The following CAPZA1 variants were observed in gnomAD, a reference collection of about 807,000 sequenced individuals.
CAPZA1 encodes F-actin-capping protein subunit alpha-1.
Under a neutral mutation model 40.8 loss-of-function variants are expected in CAPZA1, and 10 were observed. The ratio of observed to expected loss-of-function variants is 0.25; its 90% CI spans 0.15 to 0.42. CAPZA1 has a LOEUF of 0.42. Ranked by LOEUF, CAPZA1 falls within the 10% of genes least tolerant of loss-of-function variation. CAPZA1 has a pLI of 1.00. For synonymous variants in CAPZA1, 98 were observed against 115.0 expected (o/e 0.85, Z 0.95); for missense variants, 277 against 353.8 (o/e 0.78, Z 1.74).
Position 112,667,063 on chromosome 1 carries a change from GTC to G in CAPZA1, c.586-8_586-7del. ...CTTCCCCTAAAAAGGCTCAAACATT[GTC>G]TCACACAGGTTCACTATTATGAAGA... On this transcript the variant is annotated splice_polypyrimidine_tract_variant and intron_variant, in intron 7 of 9. Transcript: ENST00000263168. 1 of 1,603,288 alleles carries G rather than the reference GTC, an allele frequency of 6.2e-7. No individual in the cohort carries two copies.
At position 112,669,700 on chromosome 1, in the gene CAPZA1, T is replaced by C. The variant is rs905143934; in HGVS notation, c.720+95T>C. 8.8e-5 allele frequency: 81 copies of C among 921,902 alleles called. 1 individual carries two copies. Among genetic ancestry groups the C allele is most frequent in the Non-Finnish European group, 1.3e-4 (73 of 581,474 alleles). The allele number at this position is 921,902 out of a possible 1,614,324, so 57.1% of individuals were successfully genotyped here. ...GGCCTTGTGTCCTTTAATGTAAATA[T>C]ACATGCTCTTCAGTTTTACTAAATG... On this transcript the variant is annotated intron_variant, in intron 9 of 9. Transcript: ENST00000263168.
At chr1:112,669,245 G>A (rs1308232665) in intron 8 of CAPZA1, among the ~76,000 whole-genome samples, 1 of 152,130 alleles carries the variant, frequency 6.6e-6, no homozygotes, top group Non-Finnish European at 1.5e-5. Context: ...AAACAGCATG[G>A]GTTTTTTTGG....
chr1:112,664,902 T>C (rs1282868109), intron 7 of CAPZA1, among the ~76,000 whole-genome samples: 1 of 152,074 alleles, frequency 6.6e-6, no homozygotes, highest in African/African-American at 2.4e-5. Context: ...GCCATTGCAC[T>C]CCAGCCTGGG....
intron 8 of CAPZA1, among the ~76,000 whole-genome samples, chr1:112,669,313 A>G (rs1359003800): frequency 1.3e-5 from 2 of 152,196 alleles, no homozygotes; most frequent in African/African-American, 4.8e-5. Flanking sequence ...ATTCTGGTCA[A>G]GTTGCTTAAG....
intron 3 of CAPZA1, chr1:112,649,993 C>CT (rs112208324): frequency 0.02 from 2,967 of 147,708 alleles, 51 homozygotes; most frequent in Non-Finnish European, 0.026. Flanking sequence ...GGTGGTGCCT[C>CT]TTTTTTTTTT....
chr1:112,625,334 A>G (rs1416055006), intron 1 of CAPZA1, among the ~76,000 whole-genome samples: 2 of 152,178 alleles, frequency 1.3e-5, no homozygotes, highest in East Asian at 1.9e-4. Context: ...AAAGCCCCTA[A>G]TGAAAGTATT....
intron 1 of CAPZA1, among the ~76,000 whole-genome samples, chr1:112,642,909 G>GCTTT (rs1466061933): frequency 1.3e-5 from 2 of 152,050 alleles, no homozygotes; most frequent in African/African-American, 4.8e-5. Context: ...TATGGCTGTG[G>GCTTT]CTTTATTCCT....
At chr1:112,624,945 T>C (rs977357319) in intron 1 of CAPZA1, among the ~76,000 whole-genome samples, 3 of 152,242 alleles carry the variant, frequency 2.0e-5, no homozygotes, top group African/African-American at 7.2e-5. Context: ...TCCTTGATAA[T>C]TGAAACCATG....
intron 7 of CAPZA1, among the ~76,000 whole-genome samples, chr1:112,664,495 C>T (rs977774794): frequency 2.0e-5 from 3 of 152,118 alleles, no homozygotes; most frequent in African/African-American, 4.8e-5. Context: ...TGGAATTTGA[C>T]CTAATTCAAA....
intron 7 of CAPZA1, among the ~76,000 whole-genome samples, chr1:112,666,621 C>T (rs1474964497): frequency 6.6e-6 from 1 of 152,108 alleles, no homozygotes; most frequent in Non-Finnish European, 1.5e-5. Context: ...TTTCCTGTAC[C>T]TGGTCAGTTC....
chr1:112,654,362 A>G, intron 4 of CAPZA1, 103 bp from the exon 5 acceptor site: 1 of 685,012 alleles, frequency 1.5e-6, no homozygotes, highest in Non-Finnish European at 2.5e-6. Context: ...ATCTGACTAA[A>G]TGAAAAGTTA....
intron 1 of CAPZA1, among the ~76,000 whole-genome samples, chr1:112,636,174 T>C (rs781184102): frequency 6.6e-6 from 1 of 152,218 alleles, no homozygotes; most frequent in Non-Finnish European, 1.5e-5. Context: ...AAATATGGTA[T>C]ATGAAAATCT....
At chr1:112,630,687 G>A (rs552483013) in intron 1 of CAPZA1, among the ~76,000 whole-genome samples, 2 of 151,890 alleles carry the variant, frequency 1.3e-5, no homozygotes, top group Admixed American at 6.6e-5. Context: ...GTCCCATGCT[G>A]GTCTGAAACT....
At position 112,667,074 on chromosome 1, in the gene CAPZA1, G is replaced by T; in HGVS notation, c.586G>T (p.Val196Phe). The change falls in exon 8 of 10, where the codon GTT (valine) becomes TTT (phenylalanine). Residue 196 changes from valine to phenylalanine, a missense_variant and splice_region_variant. This residue lies in a region of CAPZA1 where 192 missense variants were observed against 277.2 expected (regional missense o/e 0.69). Coordinates refer to ENST00000263168, the MANE Select transcript of CAPZA1 (RefSeq NM_006135.3). ...AAGGCTCAAACATTGTCTCACACAG[G>T]TTCACTATTATGAAGATGGCAATGT... ...AQVVGVLKIQVHYYEDGNVQL... is the reference protein window; with the variant it reads ...AQVVGVLKIQFHYYEDGNVQL... 1 of 1,609,018 alleles carries T rather than the reference G, an allele frequency of 6.2e-7. No homozygotes were observed.
chr1:112,659,593 T>C, intron 6 of CAPZA1, 108 bp from the exon 7 acceptor site: 1 of 743,282 alleles, frequency 1.3e-6, no homozygotes. Flanking sequence ...TCTCTTTTTT[T>C]TTTTCTTTTT....
At chr1:112,628,767 C>T (rs1670862487) in intron 1 of CAPZA1, among the ~76,000 whole-genome samples, 1 of 152,192 alleles carries the variant, frequency 6.6e-6, no homozygotes, top group African/African-American at 2.4e-5. Context: ...TGGTTAATGA[C>T]ACTTCCATTC....
chr1:112,665,990 T>C (rs1347088319), intron 7 of CAPZA1, among the ~76,000 whole-genome samples: 1 of 152,228 alleles, frequency 6.6e-6, no homozygotes, highest in Non-Finnish European at 1.5e-5. Flanking sequence ...TCACCTATAA[T>C]AGGATAACAT....
intron 1 of CAPZA1, chr1:112,620,522 TTCCCTATAGACACA>T: frequency 6.6e-6 from 1 of 152,414 alleles, no homozygotes; most frequent in Non-Finnish European, 1.5e-5. Flanking sequence ...ACACCAGTCT[TTCCCTATAGACACA>T]TCCCTTTTAA....
In CAPZA1 at chr1:112,670,276, TGA is replaced by T. The variant is rs1671802727; in HGVS notation, c.*145_*146del. On this transcript the variant is annotated 3_prime_UTR_variant, in exon 10 of 10. Coordinates refer to ENST00000263168, the MANE Select transcript of CAPZA1 (RefSeq NM_006135.3). ...GTTTTCTAGCCTCATGGAATACTGT[TGA>T]ACCTATAGCGTTGTCTTGATTCTTT... 1.2e-6 allele frequency: 1 copy of T among 828,478 alleles called. No individual in the cohort carries two copies. Among genetic ancestry groups the T allele is most frequent in the African/African-American group, 1.7e-5 (1 of 57,832 alleles). 51.3% of individuals were successfully genotyped at this position (828,478 alleles called of 1,614,324 possible). A position where few individuals can be genotyped will look rare whatever the true frequency, so the allele number is the denominator to read the frequency against.
Sources: allele counts gnomAD v4.1 joint callset (sites outside exome capture counted in the v4.1 genomes callset), GRCh38; gene constraint gnomAD v4.1.1; regional missense constraint gnomAD v4.1.1; transcripts MANE v1.5; gene names NCBI Gene and HGNC (gene_info 2026-07-23, HGNC 2026-07-21).